SDK1: variants seen among roughly 807,000 people sequenced by gnomAD.
SDK1 encodes sidekick cell adhesion molecule 1, also known as protein sidekick-1.
Under a neutral mutation model 245.5 loss-of-function variants are expected in SDK1, and 157 were observed. The observed-to-expected ratio is 0.64, with a 90% CI of 0.56 to 0.73. The LOEUF (loss-of-function observed/expected upper bound fraction) is 0.73. Among genes scored for constraint, SDK1 ranks in the 30% least tolerant of loss-of-function variants. SDK1 has a pLI of 0.00. For synonymous variants in SDK1, 1,647 were observed against 1,278.5 expected (o/e 1.29, Z -6.15); for missense variants, 3,583 against 3,002.3 (o/e 1.19, Z -4.52).
chr7:3,827,287 A>G (rs1779801185), intron 5 of SDK1, among the ~76,000 whole-genome samples: 1 of 152,060 alleles, frequency 6.6e-6, no homozygotes, highest in Admixed American at 6.6e-5. Context: ...CAAAGAACCT[A>G]TTTTCAGTCC....
At chr7:4,162,009 G>A (rs968584126) in intron 32 of SDK1, among the ~76,000 whole-genome samples, 153 bp downstream of exon 32, 9 of 152,034 alleles carry the variant, frequency 5.9e-5, no homozygotes, top group South Asian at 2.1e-4. Context: ...TCAAAAACGC[G>A]AGGGGGAAAT....
intron 5 of SDK1, among the ~76,000 whole-genome samples, chr7:3,890,796 G>T (rs991657015): frequency 6.6e-6 from 1 of 152,204 alleles, no homozygotes; most frequent in African/African-American, 2.4e-5. Flanking sequence ...ACAAAAATTA[G>T]CCAGGTGTTG....
At chr7:4,241,577 GA>G (rs988984257) in intron 42 of SDK1, among the ~76,000 whole-genome samples, 7 of 152,214 alleles carry the variant, frequency 4.6e-5, no homozygotes, top group African/African-American at 1.4e-4. Flanking sequence ...GAACAAATAT[GA>G]AAATGCTAAT....
chr7:3,966,220 G>A (rs1232208687), intron 9 of SDK1, among the ~76,000 whole-genome samples: 2 of 152,126 alleles, frequency 1.3e-5, no homozygotes, highest in East Asian at 1.9e-4. Flanking sequence ...GCTTCAGGAA[G>A]GGCCTTGGCA....
chr7:4,152,738 C>T (rs1046037356), intron 30 of SDK1, among the ~76,000 whole-genome samples: 7 of 152,270 alleles, frequency 4.6e-5, no homozygotes, highest in Non-Finnish European at 1.0e-4. Flanking sequence ...AATCTCCCTT[C>T]CTGTTTAATA....
chr7:3,378,945 G>C (rs1781418126), intron 1 of SDK1, among the ~76,000 whole-genome samples: 1 of 152,066 alleles, frequency 6.6e-6, no homozygotes, highest in African/African-American at 2.4e-5. Flanking sequence ...CCCCGGAGCA[G>C]ACCCCTGAGT....
intron 4 of SDK1, among the ~76,000 whole-genome samples, chr7:3,670,767 G>A (rs1301027739): frequency 1.3e-5 from 2 of 152,176 alleles, no homozygotes; most frequent in African/African-American, 4.8e-5. Context: ...TTACATCCCA[G>A]CTGGCTCAGG....
chr7:3,509,401 G>A lies in SDK1; in HGVS notation c.299-109679G>A, dbSNP rs576637582. 7.2e-5 allele frequency among the ~76,000 whole-genome samples: 11 copies of A among 152,230 alleles called. No individual in the cohort carries two copies. In the East Asian group the frequency reaches 2.1e-3, roughly 29 times the overall value. On this transcript the variant is annotated intron_variant, in intron 1 of 44. Coordinates refer to ENST00000404826, the MANE Select transcript of SDK1 (RefSeq NM_152744.4). Reference sequence around the variant, plus strand: ...CAAATACCGTTACTTTTCTGTGTGTGTTTCCTCAGTTGTAAGACAGGGTAA... The same window carrying A: ...CAAATACCGTTACTTTTCTGTGTGTATTTCCTCAGTTGTAAGACAGGGTAA...
intron 1 of SDK1, among the ~76,000 whole-genome samples, chr7:3,529,839 G>C (rs1783279915): frequency 6.6e-6 from 1 of 152,174 alleles, no homozygotes; most frequent in African/African-American, 2.4e-5. Flanking sequence ...GAAATACTGA[G>C]ATGGGCACCG....
chr7:3,789,128 C>T (rs992311632), intron 4 of SDK1, among the ~76,000 whole-genome samples: 5 of 151,812 alleles, frequency 3.3e-5, no homozygotes, highest in East Asian at 1.9e-4. Flanking sequence ...GGCCACTAAC[C>T]GGGGAAAGTA....
intron 4 of SDK1, among the ~76,000 whole-genome samples, chr7:3,809,841 A>C (rs1230185129): frequency 1.3e-5 from 2 of 152,186 alleles, no homozygotes; most frequent in Non-Finnish European, 2.9e-5. Flanking sequence ...GTTCCGCAGA[A>C]AGTGAGACAC....
intron 5 of SDK1, among the ~76,000 whole-genome samples, chr7:3,822,075 A>G (rs973534218): frequency 6.6e-6 from 1 of 152,244 alleles, no homozygotes; most frequent in East Asian, 1.9e-4. Flanking sequence ...CTGATTCTTG[A>G]AGACAATGCA....
At chr7:3,802,979 T>A (rs1779143992) in intron 4 of SDK1, among the ~76,000 whole-genome samples, 1 of 152,230 alleles carries the variant, frequency 6.6e-6, no homozygotes, top group African/African-American at 2.4e-5. Context: ...TTCTCTGAGA[T>A]GAACGTTCAG....
intron 5 of SDK1, among the ~76,000 whole-genome samples, chr7:3,927,918 A>G (rs1186934253): frequency 6.6e-6 from 1 of 152,224 alleles, no homozygotes; most frequent in Non-Finnish European, 1.5e-5. Flanking sequence ...ACAAATGAGC[A>G]GATTCTTTGT....
At chr7:3,714,316 A>T (rs1421404239) in intron 4 of SDK1, among the ~76,000 whole-genome samples, 1 of 152,228 alleles carries the variant, frequency 6.6e-6, no homozygotes, top group African/African-American at 2.4e-5. Flanking sequence ...AAGGAAAATC[A>T]TTACTATTCT....
chr7:4,129,404 G>A (rs1407309116), intron 26 of SDK1, among the ~76,000 whole-genome samples: 4 of 108,550 alleles, frequency 3.7e-5, no homozygotes, highest in African/African-American at 1.3e-4. Context: ...GGGGTGCCCT[G>A]GAGGACAGCA....
chr7:3,681,555 G>C (rs79043640), intron 4 of SDK1, among the ~76,000 whole-genome samples: 20 of 152,192 alleles, frequency 1.3e-4, no homozygotes, highest in South Asian at 1.2e-3. Flanking sequence ...TTTCTTAACT[G>C]TCCATTTCTT....
intron 4 of SDK1, among the ~76,000 whole-genome samples, chr7:3,770,445 A>G (rs1371517596): frequency 7.9e-5 from 12 of 152,174 alleles, no homozygotes; most frequent in Admixed American, 7.2e-4. Flanking sequence ...ATAAGTTTTC[A>G]TTTATCTGAG....
chr7:3,773,271 T>C (rs1484557815), intron 4 of SDK1, among the ~76,000 whole-genome samples: 1 of 152,206 alleles, frequency 6.6e-6, no homozygotes, highest in Non-Finnish European at 1.5e-5. Context: ...TATTTTCCTT[T>C]GCCCTATCTT....
Sources: gnomAD v4.1 joint callset for allele counts (sites outside exome capture counted in the v4.1 genomes callset) on GRCh38, gnomAD v4.1.1 for gene constraint, MANE v1.5 for transcripts, NCBI Gene and HGNC (gene_info 2026-07-23, HGNC 2026-07-21) for gene names.